NFAT5: variants seen among roughly 807,000 people sequenced by gnomAD.
NFAT5 encodes the protein nuclear factor of activated T cells 5.
A neutral mutation model predicts 166.5 loss-of-function variants in NFAT5; 31 were observed. The observed-to-expected ratio is 0.19, with a 90% CI of 0.14 to 0.25. NFAT5 has a LOEUF of 0.25. Ranked by LOEUF, NFAT5 falls within the 10% of genes least tolerant of loss-of-function variation. The pLI is 1.00. For missense variants in NFAT5, 1,449 were observed against 1,821.8 expected (o/e 0.80, Z 3.72); for synonymous variants, 612 against 639.7 (o/e 0.96, Z 0.65).
intron 10 of NFAT5, among the ~76,000 whole-genome samples, chr16:69,678,660 C>G (rs966426926): frequency 6.6e-6 from 1 of 152,238 alleles, no homozygotes; most frequent in Non-Finnish European, 1.5e-5. Flanking sequence ...TCTTTGCATG[C>G]TCCATTGACC....
chr16:69,694,927 T>C (rs552135409), intron 13 of NFAT5, among the ~76,000 whole-genome samples: 3 of 152,244 alleles, frequency 2.0e-5, no homozygotes, highest in Non-Finnish European at 4.4e-5. Flanking sequence ...AAACCTAAGA[T>C]GAATTCCAGT....
intron 2 of NFAT5, among the ~76,000 whole-genome samples, chr16:69,570,153 CT>C (rs2016345854): frequency 6.6e-6 from 1 of 152,088 alleles, no homozygotes; most frequent in Non-Finnish European, 1.5e-5. Context: ...TGCCTAAATA[CT>C]TTCGTTAATT....
In NFAT5 at chr16:69,691,832, A is replaced by G. The variant is rs1284159327; in HGVS notation, c.2007A>G (p.Ser669=). The G allele has an allele frequency of 1.2e-6, 2 of 1,614,124 alleles. No individual in the cohort carries two copies. Among genetic ancestry groups the G allele is most frequent in the East Asian group, 2.2e-5 (1 of 44,884 alleles). The stretch of plus-strand genomic sequence containing the variant: ...GAAATGGCTCTTTTTCATCACCATC[A>G]TCTTCCCACCTACCTTCTGAAAATG... ...IAGNGSFSSP[S]SSHLPSENEK... The change falls in exon 13 of 15, where the codon TCA becomes TCG. Residue 669 remains serine (S), a synonymous_variant. Transcript: ENST00000349945.
At chr16:69,671,101 C>CTT (rs1262470909) in intron 9 of NFAT5, among the ~76,000 whole-genome samples, 7 of 152,060 alleles carry the variant, frequency 4.6e-5, no homozygotes. Context: ...TTTTTTATTC[C>CTT]TTTGTGTATT....
At chr16:69,624,904 A>T (rs12325186) in intron 2 of NFAT5, among the ~76,000 whole-genome samples, 37,711 of 117,060 alleles carry the variant, frequency 0.32, 5,006 homozygotes, top group East Asian at 0.55. Context: ...TCTTTTTTTT[A>T]AAAAAAAAAA....
At chr16:69,634,927 A>G (rs2034890272) in intron 3 of NFAT5, among the ~76,000 whole-genome samples, 1 of 152,096 alleles carries the variant, frequency 6.6e-6, no homozygotes, top group African/African-American at 2.4e-5. Context: ...ATGAAGATAA[A>G]TTTGTAAAAT....
intron 10 of NFAT5, among the ~76,000 whole-genome samples, chr16:69,682,629 T>G (rs9934264): frequency 0.29 from 43,819 of 151,784 alleles, 6,935 homozygotes; most frequent in African/African-American, 0.41. Flanking sequence ...AAAAAAATAA[T>G]AAGAAGAATT....
At position 69,692,927 on chromosome 16, in the gene NFAT5, C is replaced by T; in HGVS notation, c.3102C>T (p.Asp1034=). 1.2e-6 allele frequency: 2 copies of T among 1,614,148 alleles called. No homozygotes were observed. Among genetic ancestry groups the T allele is most frequent in the Non-Finnish European group, 1.7e-6 (2 of 1,180,024 alleles). The change falls in exon 13 of 15, where the codon GAC becomes GAT. Residue 1034 remains aspartate (D), a synonymous_variant. Coordinates refer to ENST00000349945, the MANE Select transcript of NFAT5 (RefSeq NM_138713.4). ...QTMVQMQHSG[D]NQPQVNLFSS... ...TGGTCCAAATGCAACATAGTGGGGA[C>T]AATCAACCTCAAGTTAACCTTTTTT...
intron 2 of NFAT5, among the ~76,000 whole-genome samples, chr16:69,573,211 A>C (rs1414735880): frequency 6.6e-6 from 1 of 152,220 alleles, no homozygotes; most frequent in Non-Finnish European, 1.5e-5. Context: ...TATGACAATG[A>C]GTTAAGAGAA....
At chr16:69,612,694 A>G (rs1819194181) in intron 2 of NFAT5, among the ~76,000 whole-genome samples, 1 of 151,000 alleles carries the variant, frequency 6.6e-6, no homozygotes, top group Non-Finnish European at 1.5e-5. Context: ...AAGCACATAC[A>G]CAGAGACACA....
In NFAT5 at chr16:69,692,681, G is replaced by C; in HGVS notation, c.2856G>C (p.Gln952His). ...GNLQQSPVYQQTSHMMSALST... is the reference protein window; with the variant it reads ...GNLQQSPVYQHTSHMMSALST... Reference sequence around the variant, plus strand: ...TTCAGCAATCGCCAGTTTACCAGCAGACTTCTCACATGATGAGTGCATTGT... The same window carrying C: ...TTCAGCAATCGCCAGTTTACCAGCACACTTCTCACATGATGAGTGCATTGT... The change falls in exon 13 of 15, where the codon CAG (glutamine) becomes CAC (histidine). Residue 952 changes from glutamine (Q) to histidine (H), a missense_variant. Around this residue, in one of 7 missense-constraint regions of NFAT5, gnomAD observed 891 missense variants for 993.0 expected, o/e 0.90. Transcript: ENST00000349945. 6.2e-7 allele frequency: 1 copy of C among 1,614,236 alleles called. No individual in the cohort carries two copies. The highest frequency in any genetic ancestry group is 8.5e-7 in the Non-Finnish European group (1 of 1,180,044).
chr16:69,638,591 C>T (rs2035069210), intron 3 of NFAT5, among the ~76,000 whole-genome samples: 1 of 151,818 alleles, frequency 6.6e-6, no homozygotes, highest in Non-Finnish European at 1.5e-5. Flanking sequence ...AAAAAATTAG[C>T]CAGAGGTGGT....
At chr16:69,667,120 A>G (rs1210420203) in intron 7 of NFAT5, among the ~76,000 whole-genome samples, 1 of 144,858 alleles carries the variant, frequency 6.9e-6, no homozygotes, top group East Asian at 2.1e-4. Flanking sequence ...GGAATTGAAC[A>G]ATGAGAACAC....
intron 2 of NFAT5, among the ~76,000 whole-genome samples, chr16:69,575,656 G>T (rs1478782911): frequency 3.5e-5 from 5 of 141,434 alleles, no homozygotes; most frequent in Admixed American, 1.5e-4. Context: ...TAAAGCAAGA[G>T]AAGAAAAAAA....
At chr16:69,677,088 CT>C (rs545027735) in intron 9 of NFAT5, 114 bp from the exon 10 acceptor site, 10,560 of 894,086 alleles carry the variant, frequency 0.012, 20 homozygotes, top group South Asian at 0.017. Flanking sequence ...AAAATGCATT[CT>C]TTTTTTTTTA....
chr16:69,683,788 C>T (rs1299819809), intron 10 of NFAT5, among the ~76,000 whole-genome samples: 1 of 151,998 alleles, frequency 6.6e-6, no homozygotes, highest in Non-Finnish European at 1.5e-5. Flanking sequence ...GAAACCCCAT[C>T]TCTACTAAAA....
chr16:69,593,843 C>A (rs2032627006), intron 2 of NFAT5, among the ~76,000 whole-genome samples: 2 of 152,104 alleles, frequency 1.3e-5, no homozygotes, highest in Admixed American at 6.5e-5. Flanking sequence ...TGTATTTTAA[C>A]CCATTTTCAT....
At chr16:69,616,533 G>A (rs553060803) in intron 2 of NFAT5, among the ~76,000 whole-genome samples, 6 of 151,818 alleles carry the variant, frequency 4.0e-5, no homozygotes, top group South Asian at 2.1e-4. Flanking sequence ...GGAGATTTGC[G>A]TTCTGTTTGG....
At chr16:69,673,020 T>TTCTC (rs10563794) in intron 9 of NFAT5, among the ~76,000 whole-genome samples, 4 of 151,496 alleles carry the variant, frequency 2.6e-5, no homozygotes, top group Non-Finnish European at 5.9e-5. Flanking sequence ...CCATTTTTCT[T>TTCTC]TCTCTCTCTC....
Sources: allele counts gnomAD v4.1 joint callset (sites outside exome capture counted in the v4.1 genomes callset), GRCh38; gene constraint gnomAD v4.1.1; regional missense constraint gnomAD v4.1.1; transcripts MANE v1.5; gene names NCBI Gene and HGNC (gene_info 2026-07-23, HGNC 2026-07-21).